GHR: variants seen among roughly 807,000 people sequenced by gnomAD.
GHR encodes the protein growth hormone receptor.
A neutral mutation model predicts 67.1 loss-of-function variants in GHR; 35 were observed. The observed-to-expected ratio is 0.52, with a 90% CI of 0.40 to 0.69. The LOEUF (loss-of-function observed/expected upper bound fraction) is 0.69. Among genes scored for constraint, GHR ranks in the 30% least tolerant of loss-of-function variants. The probability of loss-of-function intolerance (pLI) is 0.00; values close to 1 mark genes in which losing one functional copy is unlikely to be tolerated. For synonymous variants in GHR, 272 were observed against 269.1 expected (o/e 1.01, Z -0.10); for missense variants, 792 against 764.6 (o/e 1.04, Z -0.42).
chr5:42,620,357 T>A (rs1051382537), intron 2 of GHR, among the ~76,000 whole-genome samples: 1 of 152,196 alleles, frequency 6.6e-6, no homozygotes, highest in African/African-American at 2.4e-5. Flanking sequence ...GCACTCCCTA[T>A]ATTTAAGGAA....
In GHR at chr5:42,424,902, T is replaced by G; in HGVS notation, c.-12+947T>G. On this transcript the variant is annotated intron_variant, in intron 1 of 9. Coordinates refer to ENST00000230882, the MANE Select transcript of GHR (RefSeq NM_000163.5). This position sits in a 1 kb window ranked among gnomAD's most constrained non-coding sequence, Gnocchi z 4.1. ...GTCCTGAATGAGTGTACGTGTGCGC[T>G]GTGTGTGCGCGCGCGAGTGTGCGCC... 2 of 642,454 alleles carry G rather than the reference T, an allele frequency of 3.1e-6. No homozygotes were observed. Among genetic ancestry groups the G allele is most frequent in the African/African-American group, 2.0e-5 (1 of 50,770 alleles). The allele number at this position is 642,454 out of a possible 1,614,324, so 39.8% of individuals were successfully genotyped here. A position where few individuals can be genotyped will look rare whatever the true frequency, so the allele number is the denominator to read the frequency against.
At chr5:42,682,479 T>A (rs1756935264) in intron 3 of GHR, among the ~76,000 whole-genome samples, 1 of 152,062 alleles carries the variant, frequency 6.6e-6, no homozygotes, top group Non-Finnish European at 1.5e-5. Flanking sequence ...GTGAGAAAGG[T>A]GTTCATTTTA....
intron 1 of GHR, among the ~76,000 whole-genome samples, chr5:42,475,823 C>G (rs1288564056): frequency 2.6e-5 from 4 of 152,108 alleles, no homozygotes; most frequent in African/African-American, 9.7e-5. Context: ...AGCTTTTTCC[C>G]CCCTCTTTAG....
intron 2 of GHR, among the ~76,000 whole-genome samples, chr5:42,569,774 T>A (rs181587266): frequency 1.6e-4 from 25 of 152,248 alleles, no homozygotes; most frequent in Admixed American, 1.6e-3. Flanking sequence ...ATATAGTATA[T>A]GTATGTGCAC....
At chr5:42,689,647 T>TGAAAAAGGCCAGC (rs1226243657) in intron 4 of GHR, among the ~76,000 whole-genome samples, 1 of 151,910 alleles carries the variant, frequency 6.6e-6, no homozygotes, top group Non-Finnish European at 1.5e-5. Flanking sequence ...ATTTGAGGGA[T>TGAAAAAGGCCAGC]GAAAAAGGCC....
At chr5:42,577,463 GA>G (rs1335992694) in intron 2 of GHR, among the ~76,000 whole-genome samples, 4 of 152,072 alleles carry the variant, frequency 2.6e-5, no homozygotes, top group Non-Finnish European at 4.4e-5. Flanking sequence ...TATGCGAAAC[GA>G]AAGGTATTTC....
At chr5:42,618,461 A>G (rs998538585) in intron 2 of GHR, among the ~76,000 whole-genome samples, 5 of 152,168 alleles carry the variant, frequency 3.3e-5, no homozygotes, top group Admixed American at 2.6e-4. Context: ...GAGAGTAAAC[A>G]TATTACAGAT....
intron 2 of GHR, among the ~76,000 whole-genome samples, chr5:42,567,290 A>T (rs1236188832): frequency 1.3e-5 from 2 of 152,234 alleles, no homozygotes; most frequent in Admixed American, 6.5e-5. Flanking sequence ...AAAGAAAATT[A>T]AAAATGCATC....
chr5:42,679,025 AC>A (rs1561221060), intron 3 of GHR, among the ~76,000 whole-genome samples: 1 of 146,138 alleles, frequency 6.8e-6, no homozygotes, highest in African/African-American at 2.5e-5. Context: ...ATTCATATTA[AC>A]TTATATTAAT....
At chr5:42,540,695 C>T (rs1244231587) in intron 1 of GHR, among the ~76,000 whole-genome samples, 2 of 151,806 alleles carry the variant, frequency 1.3e-5, no homozygotes, top group South Asian at 2.1e-4. Flanking sequence ...CTCTATCCAC[C>T]ACCGCCCCCG....
At chr5:42,608,264 C>T (rs1752723216) in intron 2 of GHR, among the ~76,000 whole-genome samples, 1 of 152,052 alleles carries the variant, frequency 6.6e-6, no homozygotes, top group South Asian at 2.1e-4. Context: ...CACTAGACCA[C>T]GTTTATATAG....
At chr5:42,578,371 A>G (rs1412817710) in intron 2 of GHR, among the ~76,000 whole-genome samples, 2 of 152,178 alleles carry the variant, frequency 1.3e-5, no homozygotes, top group African/African-American at 4.8e-5. Context: ...GTTACATTAC[A>G]CCTCTTCTTT....
intron 1 of GHR, among the ~76,000 whole-genome samples, chr5:42,461,087 C>A (rs749178749): frequency 3.3e-5 from 5 of 151,970 alleles, no homozygotes; most frequent in African/African-American, 4.8e-5. Context: ...TTTCTTCTTC[C>A]CCAATAAGGA....
At chr5:42,594,341 C>T (rs1243868317) in intron 2 of GHR, among the ~76,000 whole-genome samples, 1 of 152,198 alleles carries the variant, frequency 6.6e-6, no homozygotes. Flanking sequence ...ATCTAAATAA[C>T]TCCACTCTCC....
intron 1 of GHR, among the ~76,000 whole-genome samples, chr5:42,497,321 GT>G (rs1746362920): frequency 6.6e-6 from 1 of 152,074 alleles, no homozygotes; most frequent in African/African-American, 2.4e-5. Flanking sequence ...CTACATGATA[GT>G]ACTCTTTCTA....
intron 1 of GHR, among the ~76,000 whole-genome samples, chr5:42,508,356 A>G (rs1746865841): frequency 6.6e-6 from 1 of 152,222 alleles, no homozygotes; most frequent in African/African-American, 2.4e-5. Context: ...GTAAGGAAGC[A>G]TGGAGGAGGC....
In GHR at chr5:42,529,245, A is replaced by T. The variant is rs559628934; in HGVS notation, c.-11-36619A>T. The stretch of plus-strand genomic sequence containing the variant: ...CCAGGATGGTCTTCATCTCCTGACC[A>T]CGTGATCCACCCTCCTCAGCATCCC... On this transcript the variant is annotated intron_variant, in intron 1 of 9. Coordinates refer to ENST00000230882, the MANE Select transcript of GHR (RefSeq NM_000163.5). Among the ~76,000 whole-genome samples the T allele has an allele frequency of 3.9e-4, 60 of 152,158 alleles. 1 individual carries two copies. Among genetic ancestry groups the T allele is most frequent in the African/African-American group, 1.4e-3 (59 of 41,512 alleles).
At chr5:42,521,192 C>A (rs11960714) in intron 1 of GHR, among the ~76,000 whole-genome samples, 5,790 of 152,208 alleles carry the variant, frequency 0.038, 360 homozygotes, top group African/African-American at 0.13. Flanking sequence ...CTATTGTGCT[C>A]CTTGCCTGAA....
intron 1 of GHR, among the ~76,000 whole-genome samples, chr5:42,557,771 TA>T (rs1321128487): frequency 2.0e-5 from 3 of 152,338 alleles, no homozygotes; most frequent in African/African-American, 7.2e-5. Context: ...GATTATTAAC[TA>T]AATGTGATCA....
Sources: gnomAD v4.1 joint callset for allele counts (sites outside exome capture counted in the v4.1 genomes callset) on GRCh38, gnomAD v4.1.1 for gene constraint, Gnocchi (gnomAD v3.1) non-coding constraint, MANE v1.5 for transcripts, NCBI Gene and HGNC (gene_info 2026-07-23, HGNC 2026-07-21) for gene names.